The following KLF12 variants were observed in gnomAD, a reference collection of about 807,000 sequenced individuals.
The protein encoded by KLF12 is KLF transcription factor 12.
In KLF12, 9 loss-of-function variants were observed where a neutral mutation model predicts 37.8. The ratio of observed to expected loss-of-function variants is 0.24; its 90% CI spans 0.14 to 0.42. The LOEUF (loss-of-function observed/expected upper bound fraction) is 0.42, where lower values mean the gene tolerates loss of function less well. KLF12 is among the 10% of genes least tolerant of loss of function. KLF12 has a pLI of 1.00. For synonymous variants in KLF12, 208 were observed against 202.1 expected (o/e 1.03, Z -0.25); for missense variants, 411 against 516.0 (o/e 0.80, Z 1.97).
chr13:74,287,396 A>AGAGAGAGAGAGAGAGAG, the KLF12 span, among the ~76,000 whole-genome samples: 2 of 35,836 alleles, frequency 5.6e-5, no homozygotes, highest in African/African-American at 2.1e-4. Flanking sequence ...GAGAGAGAGA[A>AGAGAGAGAGAGAGAGAG]TCCACCTCTA....
At chr13:74,212,779 A>AATGC in the KLF12 span, among the ~76,000 whole-genome samples, 1 of 152,150 alleles carries the variant, frequency 6.6e-6, no homozygotes, top group Non-Finnish European at 1.5e-5. Context: ...CAATTTCACC[A>AATGC]TTTTACTCAG....
chr13:74,103,920 ATGGGGT>A (rs1310124932), intron 1 of KLF12, among the ~76,000 whole-genome samples: 47 of 152,246 alleles, frequency 3.1e-4, no homozygotes, highest in Non-Finnish European at 5.4e-4. Context: ...TTAGAAGTCT[ATGGGGT>A]TAAGTAAAGC....
chr13:73,770,014 A>T (rs1880169125), intron 5 of KLF12, among the ~76,000 whole-genome samples: 1 of 152,186 alleles, frequency 6.6e-6, no homozygotes, highest in African/African-American at 2.4e-5. Context: ...TCATTAACCT[A>T]TATTTTAATT....
At chr13:74,205,688 T>C in the KLF12 span, among the ~76,000 whole-genome samples, 3 of 152,116 alleles carry the variant, frequency 2.0e-5, no homozygotes, top group Admixed American at 6.6e-5. Context: ...GCTGTCTTTA[T>C]ATTATTTAAA....
the KLF12 span, among the ~76,000 whole-genome samples, chr13:74,215,427 CTTTTTTTTT>C: frequency 1.5e-4 from 9 of 60,384 alleles, no homozygotes; most frequent in Non-Finnish European, 2.4e-4. Context: ...CCTCTGGGTT[CTTTTTTTTT>C]TTTTTTTTTT....
chr13:74,262,137 C>T, the KLF12 span, among the ~76,000 whole-genome samples: 2 of 152,084 alleles, frequency 1.3e-5, no homozygotes, highest in South Asian at 2.1e-4. Context: ...GGTAGAGTAT[C>T]ATGGCTGATG....
intron 1 of KLF12, among the ~76,000 whole-genome samples, chr13:74,025,279 A>G (rs997240860): frequency 8.5e-5 from 13 of 152,130 alleles, no homozygotes; most frequent in African/African-American, 3.1e-4. Context: ...AGCTTAAAGC[A>G]GTTTAATAAC....
In KLF12 at chr13:73,951,834, G is replaced by C. The variant is rs532994831; in HGVS notation, c.34-7764C>G. ...TCACAGTATTCACCACTACCTGACA[G>C]ACTCTTTATATGCCATTACACTAGA... On this transcript the variant is annotated intron_variant, in intron 2 of 7. Transcript: ENST00000377669. Among the ~76,000 whole-genome samples the C allele has an allele frequency of 2.6e-5, 4 of 152,326 alleles. No homozygotes were observed. In the East Asian group the frequency reaches 7.7e-4, roughly 29 times the overall value.
chr13:74,191,559 G>T, the KLF12 span, among the ~76,000 whole-genome samples: 1 of 152,090 alleles, frequency 6.6e-6, no homozygotes, highest in Non-Finnish European at 1.5e-5. Context: ...TCTGCACCAG[G>T]GTTTCAGGTC....
At chr13:73,820,376 A>G (rs1283835058) in intron 4 of KLF12, among the ~76,000 whole-genome samples, 1 of 152,192 alleles carries the variant, frequency 6.6e-6, no homozygotes, top group Non-Finnish European at 1.5e-5. Flanking sequence ...TGGTTTCAGA[A>G]TATCAGTTGT....
chr13:74,110,455 T>G (rs549391635), intron 1 of KLF12, among the ~76,000 whole-genome samples: 1 of 152,342 alleles, frequency 6.6e-6, no homozygotes, highest in Admixed American at 6.5e-5. Context: ...TCCTCTAGAA[T>G]TGAGAGTAGG....
At position 73,852,176 on chromosome 13, in the gene KLF12, C is replaced by T. The variant is rs549644108; in HGVS notation, c.124-5803G>A. Among the ~76,000 whole-genome samples, 122 of 152,282 alleles carry T rather than the reference C, an allele frequency of 8.0e-4. 1 individual carries two copies. Among genetic ancestry groups the T allele is most frequent in the Non-Finnish European group, 1.6e-3 (108 of 68,022 alleles). On this transcript the variant is annotated intron_variant, in intron 3 of 7. Coordinates refer to ENST00000377669, the MANE Select transcript of KLF12 (RefSeq NM_007249.5). ...TTTGTCTTGCATGAGCCCCCATGGT[C>T]ATAATTTACCTTGCTTTCAGCTCAG...
chr13:74,058,791 T>C (rs1873408994), intron 1 of KLF12, among the ~76,000 whole-genome samples: 1 of 152,188 alleles, frequency 6.6e-6, no homozygotes, highest in Non-Finnish European at 1.5e-5. Flanking sequence ...GTTGTTCTTA[T>C]TTTCTACTTA....
At chr13:73,761,622 T>C (rs1879558405) in intron 6 of KLF12, among the ~76,000 whole-genome samples, 1 of 152,232 alleles carries the variant, frequency 6.6e-6, no homozygotes, top group Non-Finnish European at 1.5e-5. Context: ...GTTGCTAAGA[T>C]GCTCTAAAGG....
At chr13:74,118,431 A>G (rs1333205559) in intron 1 of KLF12, among the ~76,000 whole-genome samples, 1 of 152,212 alleles carries the variant, frequency 6.6e-6, no homozygotes, top group African/African-American at 2.4e-5. Flanking sequence ...TAAAATTCTT[A>G]CGCATCAAAA....
chr13:73,904,930 C>G (rs897147493), intron 3 of KLF12, among the ~76,000 whole-genome samples: 13 of 145,272 alleles, frequency 8.9e-5, no homozygotes, highest in African/African-American at 3.3e-4. Context: ...CTTTAACAGT[C>G]AGTGGTTGAC....
chr13:73,942,926 T>G (rs1198838248), intron 3 of KLF12, among the ~76,000 whole-genome samples: 1 of 152,154 alleles, frequency 6.6e-6, no homozygotes, highest in Non-Finnish European at 1.5e-5. Context: ...TATGCAGAAG[T>G]TATTGAAGAG....
intron 2 of KLF12, among the ~76,000 whole-genome samples, chr13:73,955,800 A>C (rs1243251053): frequency 2.0e-5 from 3 of 152,218 alleles, no homozygotes; most frequent in Non-Finnish European, 4.4e-5. Context: ...GGAAATCAAA[A>C]GAACTACAAA....
intron 3 of KLF12, among the ~76,000 whole-genome samples, chr13:73,896,037 G>T (rs781451673): frequency 5.9e-5 from 9 of 151,908 alleles, no homozygotes; most frequent in Non-Finnish European, 1.3e-4. Context: ...GGCCAGGCTG[G>T]TCTTGAACTC....
Sources: allele counts gnomAD v4.1 joint callset (sites outside exome capture counted in the v4.1 genomes callset), GRCh38; gene constraint gnomAD v4.1.1; transcripts MANE v1.5; gene names NCBI Gene and HGNC (gene_info 2026-07-23, HGNC 2026-07-21).